DLG4: variants seen among roughly 807,000 people sequenced by gnomAD.
DLG4 encodes disks large homolog 4.
Under a neutral mutation model 93.8 loss-of-function variants are expected in DLG4, and 7 were observed. The ratio of observed to expected loss-of-function variants is 0.07; its 90% CI spans 0.04 to 0.14. The LOEUF (loss-of-function observed/expected upper bound fraction) is 0.14. Among genes scored for constraint, DLG4 ranks in the 10% least tolerant of loss-of-function variants. DLG4 has a pLI of 1.00. For synonymous variants in DLG4, 341 were observed against 387.6 expected, an observed-to-expected ratio of 0.88 and a Z score of 1.41; for missense variants, 545 against 992.9, an observed-to-expected ratio of 0.55 and a Z score of 6.06.
At position 7,193,139 on chromosome 17, in the gene DLG4, C is replaced by G. The variant is rs1359174660; in HGVS notation, c.1694-22G>C. On this transcript the variant is annotated intron_variant, in intron 16 of 19. Coordinates refer to ENST00000399506, the MANE Select transcript of DLG4 (RefSeq NM_001321075.3). This position sits in a 1 kb window ranked among gnomAD's most constrained non-coding sequence, Gnocchi z 6.7. The stretch of plus-strand genomic sequence containing the variant: ...GTATCTGCCAGGAAGTCACCCCACC[C>G]CCCAAAGATCTAACCACCATCCCTC... 3.7e-6 allele frequency: 6 copies of G among 1,612,916 alleles called. No homozygotes were observed. The highest frequency in any genetic ancestry group is 5.1e-6 in the Non-Finnish European group (6 of 1,179,254).
At chr17:7,213,605 A>G (rs2070793132) in intron 1 of DLG4, among the ~76,000 whole-genome samples, 1 of 151,930 alleles carries the variant, frequency 6.6e-6, no homozygotes, top group African/African-American at 2.4e-5. Flanking sequence ...AACACTCCCA[A>G]CCGCCTCCTT....
chr17:7,208,229 T>G lies in DLG4; in HGVS notation c.41A>C (p.Tyr14Ser), dbSNP rs767412117. ...CAGAGGGGGCGTGTCTTCATCTTGGTAGCGGTATTTCTGGGGATGGGGACG... is the reference window on the plus strand; with the variant it reads ...CAGAGGGGGCGTGTCTTCATCTTGGGAGCGGTATTTCTGGGGATGGGGACG... ...LCIVTTKKYRYQDEDTPPLEH... is the reference protein window; with the variant it reads ...LCIVTTKKYRSQDEDTPPLEH... Residue 14 changes from tyrosine to serine, a missense_variant, in exon 2 of 20, where the codon TAC (tyrosine) becomes TCC (serine). Transcript: ENST00000399506. This position sits in a 1 kb window ranked among gnomAD's most constrained non-coding sequence, Gnocchi z 5.4. 18 of 1,312,648 alleles carry G rather than the reference T, an allele frequency of 1.4e-5. No individual in the cohort carries two copies. The highest frequency in any genetic ancestry group is 1.8e-5 in the Non-Finnish European group (18 of 1,021,484). 81.3% of individuals were successfully genotyped at this position (1,312,648 alleles called of 1,614,324 possible).
At chr17:7,204,563 A>T (rs2070356325) in intron 2 of DLG4, among the ~76,000 whole-genome samples, 1 of 152,092 alleles carries the variant, frequency 6.6e-6, no homozygotes, top group African/African-American at 2.4e-5. Flanking sequence ...AGAGGGGAGC[A>T]GCAGATGGCA....
In DLG4 at chr17:7,187,546, C is replaced by CAAA. The variant is rs2069328750; in HGVS notation, c.*3161_*3162insTTT. On this transcript the variant is annotated 3_prime_UTR_variant, in exon 20 of 20. Transcript: ENST00000399506. The stretch of plus-strand genomic sequence containing the variant: ...GGGCAACAAGAGCGAAACTCTGTCT[C>CAAA]CAATAATAATAATAATAATAATAAT... 9.2e-6 allele frequency among the ~76,000 whole-genome samples: 1 copy of CAAA among 109,234 alleles called. No individual in the cohort carries two copies. The highest frequency in any genetic ancestry group is 3.3e-5 in the African/African-American group (1 of 30,126). The allele number at this position is 109,234 out of a possible 152,430, so 71.7% of individuals were successfully genotyped here.
intron 2 of DLG4, chr17:7,205,078 G>A (rs1162510963): frequency 8.1e-6 from 8 of 985,440 alleles, no homozygotes; most frequent in Non-Finnish European, 9.6e-6. Flanking sequence ...TAGCCAGGCC[G>A]AGAGGAGGCC....
intron 8 of DLG4, among the ~76,000 whole-genome samples, chr17:7,197,264 G>T (rs1303579511): frequency 6.6e-6 from 1 of 152,052 alleles, no homozygotes; most frequent in Non-Finnish European, 1.5e-5. Flanking sequence ...TGTCCTAGGG[G>T]ATAAAGGATT....
upstream of DLG4, chr17:7,219,669 C>CT: frequency 7.6e-7 from 1 of 1,314,464 alleles, no homozygotes. Context: ...ATCCCTCTGG[C>CT]TGCAGTGACT....
intron 1 of DLG4, chr17:7,211,542 A>G: frequency 3.5e-6 from 1 of 289,132 alleles, no homozygotes; most frequent in Non-Finnish European, 5.1e-6. Context: ...AGAAGTTGCA[A>G]CCCAGAGACC....
chr17:7,212,186 G>A (rs1339041365), intron 1 of DLG4, among the ~76,000 whole-genome samples: 1 of 151,940 alleles, frequency 6.6e-6, no homozygotes, highest in Non-Finnish European at 1.5e-5. Context: ...GATCTACACT[G>A]CCTCTCCCAC....
Position 7,196,805 on chromosome 17 carries a change from G to T in DLG4, c.1035C>A (p.Gly345=). ...GIFISFILAG[G]PADLSGELRK... ...GCAGCTCCCCACTGAGGTCTGCAGG[G>T]CCCCCGGCCAGGATAAAGGAGATGA... Residue 345 remains glycine, a synonymous_variant, in exon 9 of 20, where the codon GGC becomes GGA. Transcript: ENST00000399506. The surrounding 1 kb of genome is among the most constrained non-coding windows in gnomAD (Gnocchi z 8.3). The T allele has an allele frequency of 6.2e-7, 1 of 1,612,016 alleles. No homozygotes were observed. The highest frequency in any genetic ancestry group is 8.5e-7 in the Non-Finnish European group (1 of 1,179,168).
Position 7,203,183 on chromosome 17 carries a change from G to C in DLG4, c.642+10C>G. 1 of 1,587,724 alleles carries C rather than the reference G, an allele frequency of 6.3e-7. No individual in the cohort carries two copies. The highest frequency in any genetic ancestry group is 8.6e-7 in the Non-Finnish European group (1 of 1,161,034). On this transcript the variant is annotated intron_variant, in intron 7 of 19. Coordinates refer to ENST00000399506, the MANE Select transcript of DLG4 (RefSeq NM_001321075.3). The surrounding 1 kb of genome is among the most constrained non-coding windows in gnomAD (Gnocchi z 7.2). ...TCTGGGCTAGAAAATGGGCTAGATGGAGTCCTCACCGCCAGGATCTTGTCT... is the reference window on the plus strand; with the variant it reads ...TCTGGGCTAGAAAATGGGCTAGATGCAGTCCTCACCGCCAGGATCTTGTCT...
At chr17:7,219,771 G>T, upstream of DLG4, 2 of 1,484,678 alleles carry the variant, frequency 1.3e-6, no homozygotes, top group Non-Finnish European at 1.8e-6. Flanking sequence ...GAGTTTGGGG[G>T]AGACGAGGGA....
Position 7,191,890 on chromosome 17 carries a change from C to T in DLG4, c.1976+3G>A, listed in dbSNP as rs2069518124. On this transcript the variant is annotated splice_donor_region_variant and intron_variant, in intron 18 of 19. Transcript: ENST00000399506. This position sits in a 1 kb window ranked among gnomAD's most constrained non-coding sequence, Gnocchi z 6.6. Reference sequence around the variant, plus strand: ...AAGGGGAGGCCCCCAGGACCATACTCACAGCACATTCTCCAGGGAGCGGGG... The same window carrying T: ...AAGGGGAGGCCCCCAGGACCATACTTACAGCACATTCTCCAGGGAGCGGGG... 1.4e-6 allele frequency: 2 copies of T among 1,463,118 alleles called. No individual in the cohort carries two copies. The highest frequency in any genetic ancestry group is 1.4e-5 in the African/African-American group (1 of 69,572). The allele number at this position is 1,463,118 out of a possible 1,614,324, so 90.6% of individuals were successfully genotyped here. A position where few individuals can be genotyped will look rare whatever the true frequency, so the allele number is the denominator to read the frequency against.
intron 8 of DLG4, among the ~76,000 whole-genome samples, chr17:7,202,442 C>T (rs2070192167): frequency 6.6e-6 from 1 of 152,138 alleles, no homozygotes; most frequent in Non-Finnish European, 1.5e-5. Context: ...GAAACAAACC[C>T]TATGTTATTC....
At chr17:7,192,066 C>A (rs2069529786) in intron 17 of DLG4, 64 bp from the exon 18 acceptor site, 8 of 932,834 alleles carry the variant, frequency 8.6e-6, no homozygotes, top group Non-Finnish European at 1.1e-5. Context: ...GAGAGCAGTG[C>A]CGGAGGGACA....
Position 7,190,352 on chromosome 17 carries a change from C to T in DLG4, c.*356G>A. The T allele has an allele frequency of 3.3e-6, 1 of 306,008 alleles. No homozygotes were observed. Among genetic ancestry groups the T allele is most frequent in the South Asian group, 4.4e-5 (1 of 22,936 alleles). The allele number at this position is 306,008 out of a possible 1,614,324, so 19.0% of individuals were successfully genotyped here. On this transcript the variant is annotated 3_prime_UTR_variant, in exon 20 of 20. Transcript: ENST00000399506. The stretch of plus-strand genomic sequence containing the variant: ...CTGCAGCGGGTGCTCCTCGAGGGGG[C>T]CCTGACTTCTGGAATGTGTGTGGGA...
chr17:7,193,795 C>T lies in DLG4; in HGVS notation c.1543+49G>A. The T allele has an allele frequency of 6.2e-7, 1 of 1,611,862 alleles. No individual in the cohort carries two copies. The highest frequency in any genetic ancestry group is 8.5e-7 in the Non-Finnish European group (1 of 1,179,012). On this transcript the variant is annotated intron_variant, in intron 14 of 19. Coordinates refer to ENST00000399506, the MANE Select transcript of DLG4 (RefSeq NM_001321075.3). This position sits in a 1 kb window ranked among gnomAD's most constrained non-coding sequence, Gnocchi z 6.7. The stretch of plus-strand genomic sequence containing the variant: ...GTCTCCCCCTTGAGGATATCAAAAG[C>T]AACTCAGTGCTCCTCTCACCCACAT...
At chr17:7,218,999 A>T (rs2071064693), upstream of DLG4, 10 of 786,192 alleles carry the variant, frequency 1.3e-5, no homozygotes, top group South Asian at 1.6e-4. Flanking sequence ...CAGCACCGCC[A>T]CCATCTTGCT....
chr17:7,219,579 C>T, upstream of DLG4: 1 of 1,125,318 alleles, frequency 8.9e-7, no homozygotes, highest in Non-Finnish European at 1.1e-6. Flanking sequence ...GTCTCTGCCT[C>T]TGCCATCTAC....
Sources: gnomAD v4.1 joint callset for allele counts (sites outside exome capture counted in the v4.1 genomes callset) on GRCh38, gnomAD v4.1.1 for gene constraint, Gnocchi (gnomAD v3.1) non-coding constraint, MANE v1.5 for transcripts, NCBI Gene and HGNC (gene_info 2026-07-23, HGNC 2026-07-21) for gene names.